THSD7B: variants seen among roughly 807,000 people sequenced by gnomAD.
THSD7B encodes the protein thrombospondin type 1 domain containing 7B.
Under a neutral mutation model 213.6 loss-of-function variants are expected in THSD7B, and 138 were observed. That is an observed-to-expected ratio of 0.65 (90% CI 0.56 to 0.74). The LOEUF is 0.74. Among genes scored for constraint, THSD7B ranks in the 30% least tolerant of loss-of-function variants. THSD7B has a pLI of 0.00. For missense variants in THSD7B, 1,931 were observed against 1,991.5 expected, an observed-to-expected ratio of 0.97 and a Z score of 0.58; for synonymous variants, 742 against 687.0, an observed-to-expected ratio of 1.08 and a Z score of -1.25.
intron 12 of THSD7B, among the ~76,000 whole-genome samples, chr2:137,286,854 C>G (rs527773630): frequency 1.2e-4 from 19 of 152,244 alleles, no homozygotes; most frequent in African/African-American, 4.3e-4. Flanking sequence ...CCAGGTGCCC[C>G]TTCCATAAAT....
At chr2:137,309,513 A>G (rs1047065206) in intron 12 of THSD7B, among the ~76,000 whole-genome samples, 1 of 144,298 alleles carries the variant, frequency 6.9e-6, no homozygotes, top group Non-Finnish European at 1.5e-5. Flanking sequence ...TTTATTTTTT[A>G]TTATTATTAT....
chr2:137,361,336 T>G (rs143691715), intron 12 of THSD7B, among the ~76,000 whole-genome samples: 1 of 151,762 alleles, frequency 6.6e-6, no homozygotes, highest in African/African-American at 2.4e-5. Flanking sequence ...TCCAAAGGAG[T>G]GCAGCTCCTC....
intron 10 of THSD7B, among the ~76,000 whole-genome samples, chr2:137,248,390 C>T (rs1322976672): frequency 6.6e-6 from 1 of 152,110 alleles, no homozygotes. Context: ...GTGTCTGGCA[C>T]ATGGTGGGCA....
intron 2 of THSD7B, among the ~76,000 whole-genome samples, chr2:137,008,416 G>A (rs1349807889): frequency 2.0e-5 from 3 of 152,118 alleles, no homozygotes; most frequent in African/African-American, 7.2e-5. Flanking sequence ...AACCCTAAGG[G>A]TGCATTGTGT....
chr2:136,853,747 A>G (rs1683134806), intron 1 of THSD7B, among the ~76,000 whole-genome samples: 1 of 152,164 alleles, frequency 6.6e-6, no homozygotes, highest in Non-Finnish European at 1.5e-5. Context: ...ACCTAGTTCT[A>G]TCATTCTTTT....
chr2:137,207,922 G>A (rs1681020151), intron 7 of THSD7B, among the ~76,000 whole-genome samples: 1 of 152,048 alleles, frequency 6.6e-6, no homozygotes, highest in Admixed American at 6.6e-5. Context: ...TGAGACCGTG[G>A]TTTTGCAGTA....
chr2:136,797,060 A>G (rs1682082076), intron 1 of THSD7B, among the ~76,000 whole-genome samples: 1 of 151,844 alleles, frequency 6.6e-6, no homozygotes, highest in Admixed American at 6.6e-5. Flanking sequence ...AAAAGAAATA[A>G]TAATTAGGAA....
At chr2:137,149,707 G>T (rs1435340949) in intron 5 of THSD7B, among the ~76,000 whole-genome samples, 2 of 152,190 alleles carry the variant, frequency 1.3e-5, no homozygotes, top group Non-Finnish European at 2.9e-5. Flanking sequence ...TTTCAGACTT[G>T]CATGGGGCCT....
intron 15 of THSD7B, among the ~76,000 whole-genome samples, chr2:137,486,941 C>A (rs1688460955): frequency 6.6e-6 from 1 of 152,130 alleles, no homozygotes; most frequent in East Asian, 1.9e-4. Context: ...TTCTTTGAAA[C>A]CAATGAGAAC....
At chr2:137,381,151 C>CCA (rs1444839670) in intron 12 of THSD7B, among the ~76,000 whole-genome samples, 1 of 152,172 alleles carries the variant, frequency 6.6e-6, no homozygotes, top group African/African-American at 2.4e-5. Flanking sequence ...TCTGGGTCAG[C>CCA]CATGTGGCTG....
chr2:136,890,642 C>A (rs1252568211), intron 2 of THSD7B, among the ~76,000 whole-genome samples: 1 of 148,156 alleles, frequency 6.7e-6, no homozygotes, highest in African/African-American at 2.5e-5. Context: ...TGGGTTCAAG[C>A]GATTCTTCCG....
At chr2:137,486,062 G>C (rs1360840023) in intron 15 of THSD7B, among the ~76,000 whole-genome samples, 2 of 152,094 alleles carry the variant, frequency 1.3e-5, no homozygotes, top group African/African-American at 4.8e-5. Flanking sequence ...TAAAGACCAT[G>C]AAGGCTAGGA....
rs147710765 is a variant in THSD7B, at chr2:137,534,160, G to A, written c.3139-29061G>A. On this transcript the variant is annotated intron_variant, in intron 15 of 27. Transcript: ENST00000409968. ...ATTTCCCCTTTTGCCTTTGATCTAG[G>A]TTTATTCTTTTAGTTTTAGTACCAT... Among the ~76,000 whole-genome samples the A allele has an allele frequency of 3.0e-3, 456 of 151,144 alleles. 1 individual carries two copies. Among genetic ancestry groups the A allele is most frequent in the African/African-American group, 0.011 (439 of 41,302 alleles).
chr2:136,931,006 C>CT (rs1228463874), intron 2 of THSD7B, among the ~76,000 whole-genome samples: 2 of 152,070 alleles, frequency 1.3e-5, no homozygotes, highest in Admixed American at 6.6e-5. Flanking sequence ...TTTCCCAGAA[C>CT]TTTTTTTCCT....
At chr2:137,312,848 T>A (rs545680084) in intron 12 of THSD7B, among the ~76,000 whole-genome samples, 1 of 151,936 alleles carries the variant, frequency 6.6e-6, no homozygotes, top group Admixed American at 6.6e-5. Flanking sequence ...GAGTTCTAAT[T>A]TGATTGCACT....
At chr2:137,105,010 A>G (rs149934874) in intron 4 of THSD7B, among the ~76,000 whole-genome samples, 5,204 of 152,266 alleles carry the variant, frequency 0.034, 286 homozygotes, top group African/African-American at 0.12. Flanking sequence ...TCCTTCTGAA[A>G]CTATTCCAAA....
chr2:137,037,718 T>C (rs1171790373), intron 2 of THSD7B, among the ~76,000 whole-genome samples: 3 of 152,188 alleles, frequency 2.0e-5, no homozygotes, highest in Non-Finnish European at 2.9e-5. Flanking sequence ...ATGAACAAAT[T>C]GTATCTTAAT....
At chr2:137,030,383 G>A (rs1686642909) in intron 2 of THSD7B, among the ~76,000 whole-genome samples, 1 of 152,168 alleles carries the variant, frequency 6.6e-6, no homozygotes, top group South Asian at 2.1e-4. Flanking sequence ...TTAGTAAGAA[G>A]TAAGAACGGT....
chr2:137,071,891 C>T (rs1275222862), intron 3 of THSD7B, among the ~76,000 whole-genome samples: 1 of 152,112 alleles, frequency 6.6e-6, no homozygotes, highest in Non-Finnish European at 1.5e-5. Flanking sequence ...TTGTTTTTGT[C>T]AGGTTTGTCA....
Sources: allele counts gnomAD v4.1 joint callset (sites outside exome capture counted in the v4.1 genomes callset), GRCh38; gene constraint gnomAD v4.1.1; transcripts MANE v1.5; gene names NCBI Gene and HGNC (gene_info 2026-07-23, HGNC 2026-07-21).